Variants in SH3RF3 observed in about 807,000 individuals in gnomAD.
SH3RF3 encodes SH3 domain containing ring finger 3, also known as E3 ubiquitin-protein ligase SH3RF3.
A neutral mutation model predicts 66.3 loss-of-function variants in SH3RF3; 29 were observed. The ratio of observed to expected loss-of-function variants is 0.44; its 90% CI spans 0.33 to 0.60. SH3RF3 has a LOEUF of 0.60. Ranked by LOEUF, SH3RF3 falls within the 20% of genes least tolerant of loss-of-function variation. SH3RF3 has a pLI of 0.04. For synonymous variants in SH3RF3, 583 were observed against 532.0 expected (o/e 1.10, Z -1.32); for missense variants, 1,194 against 1,190.9 (o/e 1.00, Z -0.04).
chr2:109,429,232 G>A (rs765209766), intron 5 of SH3RF3, among the ~76,000 whole-genome samples: 2 of 152,140 alleles, frequency 1.3e-5, no homozygotes, highest in African/African-American at 2.4e-5. Flanking sequence ...CCCGGGCCAA[G>A]GCCCACCCAA....
chr2:109,477,293 A>T (rs73953130), intron 8 of SH3RF3, among the ~76,000 whole-genome samples: 6,201 of 152,292 alleles, frequency 0.041, 383 homozygotes, highest in African/African-American at 0.13. Flanking sequence ...CTGCACAGGC[A>T]CAGCCTTCAC....
intron 5 of SH3RF3, among the ~76,000 whole-genome samples, chr2:109,425,759 G>T (rs138108980): frequency 1.5e-3 from 236 of 152,346 alleles, no homozygotes; most frequent in African/African-American, 5.3e-3. Context: ...TTATTCAAGA[G>T]CTCTGATGGA....
chr2:109,497,562 G>A (rs767877833), intron 9 of SH3RF3, among the ~76,000 whole-genome samples: 5 of 152,306 alleles, frequency 3.3e-5, no homozygotes, highest in East Asian at 1.9e-4. Flanking sequence ...GATTTATGAC[G>A]CACAGTTGTG....
chr2:109,295,777 G>A (rs1004884260), intron 1 of SH3RF3, among the ~76,000 whole-genome samples: 35 of 152,146 alleles, frequency 2.3e-4, no homozygotes, highest in African/African-American at 8.4e-4. Flanking sequence ...TTGTGGGCAC[G>A]TCTGTGGTGG....
intron 1 of SH3RF3, among the ~76,000 whole-genome samples, chr2:109,152,305 A>G (rs1177392243): frequency 6.6e-6 from 1 of 152,178 alleles, no homozygotes; most frequent in Non-Finnish European, 1.5e-5. Flanking sequence ...GTGTCTTTAT[A>G]GTTGTGGGGA....
intron 5 of SH3RF3, among the ~76,000 whole-genome samples, chr2:109,428,578 C>T (rs1283748040): frequency 6.6e-6 from 1 of 152,210 alleles, no homozygotes; most frequent in Non-Finnish European, 1.5e-5. Flanking sequence ...CTGTACTTGT[C>T]CTCAGCAACC....
intron 1 of SH3RF3, among the ~76,000 whole-genome samples, chr2:109,166,009 C>T (rs942988854): frequency 5.3e-5 from 8 of 152,144 alleles, no homozygotes; most frequent in Admixed American, 4.6e-4. Flanking sequence ...TTTTCCTTTT[C>T]CCCCAGTTTG....
chr2:109,158,679 T>G (rs911569504), intron 1 of SH3RF3, among the ~76,000 whole-genome samples: 5 of 152,348 alleles, frequency 3.3e-5, no homozygotes, highest in South Asian at 2.1e-4. Context: ...ATAAGAGATT[T>G]GAGGATTTCT....
intron 1 of SH3RF3, among the ~76,000 whole-genome samples, chr2:109,141,936 T>G (rs921611681): frequency 2.6e-5 from 4 of 152,052 alleles, no homozygotes; most frequent in Non-Finnish European, 5.9e-5. Context: ...CAGGGCCCTT[T>G]CTACACTCAC....
chr2:109,412,725 T>C (rs1475775638), intron 4 of SH3RF3, among the ~76,000 whole-genome samples: 2 of 152,228 alleles, frequency 1.3e-5, no homozygotes, highest in Non-Finnish European at 2.9e-5. Context: ...GTGGAAATGT[T>C]TCAGGAAACC....
chr2:109,266,794 G>A (rs985396791), intron 1 of SH3RF3, among the ~76,000 whole-genome samples: 3 of 152,184 alleles, frequency 2.0e-5, no homozygotes, highest in Admixed American at 6.5e-5. Flanking sequence ...ACTCGCACAT[G>A]CATGAGAGAG....
intron 1 of SH3RF3, among the ~76,000 whole-genome samples, chr2:109,176,392 A>G (rs186036397): frequency 1.7e-4 from 26 of 152,312 alleles, no homozygotes; most frequent in Admixed American, 8.5e-4. Flanking sequence ...GTGCAATGGA[A>G]TGCTGTGTTT....
chr2:109,183,682 A>G (rs143606051), intron 1 of SH3RF3, among the ~76,000 whole-genome samples: 1 of 152,348 alleles, frequency 6.6e-6, no homozygotes, highest in African/African-American at 2.4e-5. Flanking sequence ...TTCATCCCTG[A>G]AAACAAAAAC....
At chr2:109,135,263 A>T (rs778698311) in intron 1 of SH3RF3, among the ~76,000 whole-genome samples, 5 of 152,166 alleles carry the variant, frequency 3.3e-5, no homozygotes, top group Non-Finnish European at 7.3e-5. Context: ...TGAAGCCCAC[A>T]CACAGGACTG....
chr2:109,475,297 C>T (rs935167719), intron 8 of SH3RF3, among the ~76,000 whole-genome samples: 1 of 152,184 alleles, frequency 6.6e-6, no homozygotes, highest in Non-Finnish European at 1.5e-5. Flanking sequence ...CTTAAATCTC[C>T]GAGGGCTACA....
At chr2:109,477,497 A>G (rs1678714370) in intron 8 of SH3RF3, among the ~76,000 whole-genome samples, 1 of 152,216 alleles carries the variant, frequency 6.6e-6, no homozygotes, top group Non-Finnish European at 1.5e-5. Context: ...CCCGCCAGAC[A>G]CATGCTGAGG....
chr2:109,367,917 A>G (rs1473966211), intron 2 of SH3RF3, among the ~76,000 whole-genome samples: 1 of 152,174 alleles, frequency 6.6e-6, no homozygotes, highest in Non-Finnish European at 1.5e-5. Context: ...CCCCACCAAA[A>G]ATGGGAAAGT....
intron 2 of SH3RF3, among the ~76,000 whole-genome samples, chr2:109,370,755 C>A (rs572203958): frequency 6.6e-6 from 1 of 152,340 alleles, no homozygotes; most frequent in South Asian, 2.1e-4. Context: ...CGAAAGCCCG[C>A]CTTTCCTCCT....
chr2:109,281,728 T>C (rs1490908826), intron 1 of SH3RF3, among the ~76,000 whole-genome samples: 1 of 152,122 alleles, frequency 6.6e-6, no homozygotes, highest in African/African-American at 2.4e-5. Flanking sequence ...CTGATTTCCA[T>C]GATGGTGGAG....
Sources: allele counts gnomAD v4.1 joint callset (sites outside exome capture counted in the v4.1 genomes callset), GRCh38; gene constraint gnomAD v4.1.1; transcripts MANE v1.5; gene names NCBI Gene and HGNC (gene_info 2026-07-23, HGNC 2026-07-21).